RAD54B: variants seen among roughly 807,000 people sequenced by gnomAD.
RAD54B encodes RAD54 homolog B.
Under a neutral mutation model 95.8 loss-of-function variants are expected in RAD54B, and 78 were observed. The ratio of observed to expected loss-of-function variants is 0.81; its 90% confidence interval spans 0.68 to 0.98. The LOEUF (loss-of-function observed/expected upper bound fraction) is 0.98, where lower values mean the gene tolerates loss of function less well. Among genes scored for constraint, RAD54B ranks in the 50% least tolerant of loss-of-function variants. The probability of loss-of-function intolerance (pLI) is 0.00; values close to 1 mark genes in which losing one functional copy is unlikely to be tolerated. For synonymous variants in RAD54B, 328 were observed against 354.9 expected, an observed-to-expected ratio of 0.92 and a Z score of 0.85; for missense variants, 957 against 1,056.6, an observed-to-expected ratio of 0.91 and a Z score of 1.31.
intron 3 of RAD54B, among the ~76,000 whole-genome samples, chr8:94,453,660 AT>A (rs1367276575): frequency 1.3e-5 from 2 of 152,226 alleles, no homozygotes; most frequent in Non-Finnish European, 2.9e-5. Context: ...GGAGAAAAAA[AT>A]ATATATGTAT....
At chr8:94,414,148 T>G (rs1045893937) in intron 3 of RAD54B, among the ~76,000 whole-genome samples, 6 of 152,148 alleles carry the variant, frequency 3.9e-5, no homozygotes, top group African/African-American at 1.4e-4. Flanking sequence ...AGAATTCTTA[T>G]AGTTTAAAAA....
At chr8:94,376,851 TAAAG>T (rs745666087) in intron 14 of RAD54B, among the ~76,000 whole-genome samples, 4 of 151,088 alleles carry the variant, frequency 2.6e-5, no homozygotes, top group South Asian at 4.2e-4. Context: ...AACATTTATA[TAAAG>T]AAACATTTCC....
intron 3 of RAD54B, among the ~76,000 whole-genome samples, chr8:94,447,244 T>C (rs956059349): frequency 1.3e-5 from 2 of 152,168 alleles, no homozygotes; most frequent in Non-Finnish European, 2.9e-5. Flanking sequence ...AATCTAAATT[T>C]ACATATATCT....
chr8:94,373,795 A>T (rs1194020472), intron 14 of RAD54B, among the ~76,000 whole-genome samples: 1 of 152,122 alleles, frequency 6.6e-6, no homozygotes, highest in Non-Finnish European at 1.5e-5. Context: ...TTAACCTTTT[A>T]ATTATGGGAA....
intron 4 of RAD54B, among the ~76,000 whole-genome samples, chr8:94,409,518 A>G (rs1453410508): frequency 6.6e-6 from 1 of 151,874 alleles, no homozygotes; most frequent in Non-Finnish European, 1.5e-5. Flanking sequence ...TTACAGATGC[A>G]TGCCACTACA....
chr8:94,407,799 G>T, intron 4 of RAD54B, 79 bp from the exon 5 acceptor site: 1 of 1,241,876 alleles, frequency 8.1e-7, no homozygotes, highest in Non-Finnish European at 1.1e-6. Flanking sequence ...CAAAAAAACT[G>T]CACTTTGAAT....
At chr8:94,420,391 G>C (rs1402847547) in intron 3 of RAD54B, among the ~76,000 whole-genome samples, 1 of 151,220 alleles carries the variant, frequency 6.6e-6, no homozygotes, top group Non-Finnish European at 1.5e-5. Context: ...GAGTAGCTGG[G>C]ACTACAGGCA....
intron 14 of RAD54B, among the ~76,000 whole-genome samples, chr8:94,377,925 G>C (rs1399087040): frequency 2.2e-5 from 3 of 138,952 alleles, no homozygotes; most frequent in African/African-American, 8.4e-5. Context: ...GCAGTGAGCC[G>C]AGATCGCGCC....
chr8:94,415,101 A>G (rs2130050937), intron 3 of RAD54B, among the ~76,000 whole-genome samples: 1 of 151,898 alleles, frequency 6.6e-6, no homozygotes, highest in East Asian at 1.9e-4. Context: ...GCATCACACT[A>G]CCTGACTTCA....
At chr8:94,461,295 C>A (rs1812897727) in intron 2 of RAD54B, among the ~76,000 whole-genome samples, 1 of 150,524 alleles carries the variant, frequency 6.6e-6, no homozygotes, top group South Asian at 2.1e-4. Context: ...GCCTCAGCCT[C>A]CCGAGTAGCT....
chr8:94,391,806 ATT>A lies in RAD54B; in HGVS notation c.1610_1611del (p.Lys537IlefsTer5). On this transcript the variant is annotated frameshift_variant, in exon 10 of 15. Coordinates refer to ENST00000336148, the MANE Select transcript of RAD54B (RefSeq NM_012415.3). LOFTEE classifies it high-confidence loss of function. Reference protein sequence around the residue: ...ILRRTQEIINKYLPPKIENVV... With the variant: ...ILRRTQEIINXYLPPKIENVV... ...ACATTCTCTATTTTAGGTGGGAGAT[ATT>A]TATTTATAATTTCTTGGGTTCTTCT... 6.2e-7 allele frequency: 1 copy of A among 1,613,914 alleles called. No individual in the cohort carries two copies. The highest frequency in any genetic ancestry group is 8.5e-7 in the Non-Finnish European group (1 of 1,179,900).
intron 3 of RAD54B, among the ~76,000 whole-genome samples, chr8:94,447,693 CAA>C (rs1438154546): frequency 6.6e-6 from 1 of 152,162 alleles, no homozygotes; most frequent in African/African-American, 2.4e-5. Flanking sequence ...AGCAATAGCA[CAA>C]AGTTAGGAAA....
intron 1 of RAD54B, among the ~76,000 whole-genome samples, chr8:94,473,287 G>A (rs1813211905): frequency 6.6e-6 from 1 of 152,178 alleles, no homozygotes; most frequent in Non-Finnish European, 1.5e-5. Flanking sequence ...AAATGGTAAG[G>A]CCAAGCTGAC....
chr8:94,461,183 T>C (rs917151454), intron 2 of RAD54B, among the ~76,000 whole-genome samples: 280 of 141,186 alleles, frequency 2.0e-3, no homozygotes, highest in African/African-American at 6.9e-3. Flanking sequence ...TTTTTTTTTT[T>C]TTTTTTGAGA....
chr8:94,445,512 G>T (rs1421441678), intron 3 of RAD54B, among the ~76,000 whole-genome samples: 3 of 152,008 alleles, frequency 2.0e-5, no homozygotes, highest in Admixed American at 6.6e-5. Flanking sequence ...ATTGCCAGTG[G>T]TTACTGAATA....
intron 3 of RAD54B, among the ~76,000 whole-genome samples, chr8:94,424,961 T>C (rs1811906896): frequency 1.3e-5 from 2 of 150,184 alleles, no homozygotes; most frequent in Non-Finnish European, 3.0e-5. Context: ...ACTCAGGAAG[T>C]TGAGGCAGGT....
At chr8:94,427,280 T>C (rs1309323725) in intron 3 of RAD54B, among the ~76,000 whole-genome samples, 2 of 152,054 alleles carry the variant, frequency 1.3e-5, no homozygotes, top group African/African-American at 4.8e-5. Flanking sequence ...TTTCCACTAT[T>C]ACAAAGCAAT....
Position 94,393,738 on chromosome 8 carries a change from T to G in RAD54B, c.1518+5A>C. On this transcript the variant is annotated splice_donor_5th_base_variant and intron_variant, in intron 9 of 14. Transcript: ENST00000336148. ...TAAAAACCTATTTATTAGAGTAAAT[T>G]ATACCTCAGAAGCAGAAGGTTCTCT... The G allele has an allele frequency of 1.3e-6, 2 of 1,563,402 alleles. No homozygotes were observed. Among genetic ancestry groups the G allele is most frequent in the South Asian group, 1.1e-5 (1 of 87,746 alleles).
intron 2 of RAD54B, among the ~76,000 whole-genome samples, chr8:94,461,728 T>C (rs1812909611): frequency 6.6e-6 from 1 of 152,194 alleles, no homozygotes; most frequent in South Asian, 2.1e-4. Context: ...TCTCCTCCTT[T>C]GCTCTGTGTA....
Sources: allele counts gnomAD v4.1 joint callset (sites outside exome capture counted in the v4.1 genomes callset), GRCh38; gene constraint gnomAD v4.1.1; transcripts MANE v1.5; gene names NCBI Gene and HGNC (gene_info 2026-07-23, HGNC 2026-07-21).